Variants in ZSWIM6 observed in about 807,000 individuals in gnomAD.
ZSWIM6 encodes zinc finger SWIM domain-containing protein 6.
Under a neutral mutation model 113.2 loss-of-function variants are expected in ZSWIM6, and 9 were observed. The ratio of observed to expected loss-of-function variants is 0.08; its 90% CI spans 0.05 to 0.14. The LOEUF (loss-of-function observed/expected upper bound fraction) is 0.14. Among genes scored for constraint, ZSWIM6 ranks in the 10% least tolerant of loss-of-function variants. ZSWIM6 has a pLI of 1.00. For missense variants in ZSWIM6, 1,162 were observed against 1,552.2 expected, an observed-to-expected ratio of 0.75 and a Z score of 4.22; for synonymous variants, 611 against 606.5, an observed-to-expected ratio of 1.01 and a Z score of -0.11.
chr5:61,463,483 G>C (rs996027879), intron 1 of ZSWIM6, among the ~76,000 whole-genome samples: 5 of 152,174 alleles, frequency 3.3e-5, no homozygotes, highest in South Asian at 2.1e-4. Context: ...CATCACCTGG[G>C]TTAAACCAGA....
At chr5:61,480,463 C>T (rs1157722716) in intron 2 of ZSWIM6, among the ~76,000 whole-genome samples, 1 of 152,122 alleles carries the variant, frequency 6.6e-6, no homozygotes, top group East Asian at 1.9e-4. Flanking sequence ...CATTAGCCTC[C>T]ACGGTGAGGA....
At chr5:61,449,749 C>T (rs549608341) in intron 1 of ZSWIM6, among the ~76,000 whole-genome samples, 20 of 152,216 alleles carry the variant, frequency 1.3e-4, no homozygotes, top group African/African-American at 4.8e-4. Flanking sequence ...GATGGGGCAC[C>T]CATTCCATCA....
intron 1 of ZSWIM6, among the ~76,000 whole-genome samples, chr5:61,424,468 G>T (rs1373537027): frequency 6.6e-6 from 1 of 152,182 alleles, no homozygotes; most frequent in Non-Finnish European, 1.5e-5. Flanking sequence ...CTCGCCTAGG[G>T]AGAGCAGACG....
At chr5:61,434,682 A>T (rs976538877) in intron 1 of ZSWIM6, among the ~76,000 whole-genome samples, 4 of 151,904 alleles carry the variant, frequency 2.6e-5, no homozygotes. Context: ...TTCTTCATCC[A>T]CTTGTTGGTT....
intron 1 of ZSWIM6, among the ~76,000 whole-genome samples, chr5:61,369,921 C>T (rs867206054): frequency 1.6e-4 from 25 of 152,298 alleles, no homozygotes; most frequent in Admixed American, 3.3e-4. Flanking sequence ...CACTGGACAT[C>T]TGAGATGTCA....
At chr5:61,340,489 T>C (rs1172895018) in intron 1 of ZSWIM6, among the ~76,000 whole-genome samples, 2 of 152,218 alleles carry the variant, frequency 1.3e-5, no homozygotes, top group African/African-American at 2.4e-5. Flanking sequence ...TCTTAAAATA[T>C]GCTGAAAGAG....
At chr5:61,533,373 CCA>C (rs1205006022) in intron 9 of ZSWIM6, among the ~76,000 whole-genome samples, 1 of 152,116 alleles carries the variant, frequency 6.6e-6, no homozygotes, top group African/African-American at 2.4e-5. Flanking sequence ...GTTAGCAGGC[CCA>C]GATATCTGGA....
chr5:61,442,318 T>C (rs922915966), intron 1 of ZSWIM6, among the ~76,000 whole-genome samples: 19 of 152,292 alleles, frequency 1.2e-4, no homozygotes, highest in African/African-American at 3.8e-4. Flanking sequence ...GTGGGACAGT[T>C]GGGCCAGTTT....
intron 1 of ZSWIM6, among the ~76,000 whole-genome samples, chr5:61,439,504 C>T (rs545045331): frequency 6.6e-6 from 1 of 152,252 alleles, no homozygotes; most frequent in Non-Finnish European, 1.5e-5. Flanking sequence ...AACATGTCAA[C>T]AGTTAAACAG....
At chr5:61,391,435 A>AGCT (rs1745709053) in intron 1 of ZSWIM6, 1 of 1,162,848 alleles carries the variant, frequency 8.6e-7, no homozygotes, top group Admixed American at 1.7e-5. Flanking sequence ...GTCCTTCTCC[A>AGCT]GCTGCTTCTT....
chr5:61,531,565 C>T lies in ZSWIM6; in HGVS notation c.2085C>T (p.Ala695=). The part of the protein sequence containing the change: ...ESYLTLAVEV[A]LIGLGQQRIM... ...ATTTAACGCTGGCTGTGGAAGTAGC[C>T]CTGATAGGGCTAGGACAGCAGCGTA... The change falls in exon 9 of 14, where the codon GCC becomes GCT. Residue 695 remains alanine, a synonymous_variant. Coordinates refer to ENST00000252744, the MANE Select transcript of ZSWIM6 (RefSeq NM_020928.2). 6.4e-7 allele frequency: 1 copy of T among 1,551,610 alleles called. No homozygotes were observed.
intron 1 of ZSWIM6, among the ~76,000 whole-genome samples, chr5:61,433,595 C>G (rs759142335): frequency 9.2e-5 from 14 of 151,788 alleles, no homozygotes; most frequent in Non-Finnish European, 1.3e-4. Flanking sequence ...GCCTCAGCCT[C>G]CCAGGTAGCT....
chr5:61,494,128 A>ACG (rs1748257660), intron 3 of ZSWIM6, 132 bp from the exon 4 acceptor site: 14 of 947,006 alleles, frequency 1.5e-5, no homozygotes, highest in Non-Finnish European at 2.2e-5. Context: ...TCCACCACAC[A>ACG]CACACACACA....
chr5:61,501,268 T>A (rs1261356779), intron 4 of ZSWIM6, among the ~76,000 whole-genome samples: 1 of 152,174 alleles, frequency 6.6e-6, no homozygotes, highest in African/African-American at 2.4e-5. Context: ...TATTTTCTGC[T>A]TCTTTAAGTA....
intron 1 of ZSWIM6, among the ~76,000 whole-genome samples, chr5:61,447,524 T>C (rs773383095): frequency 6.6e-6 from 1 of 152,050 alleles, no homozygotes; most frequent in Non-Finnish European, 1.5e-5. Context: ...CATCTGAACA[T>C]AGATGTCAGA....
intron 5 of ZSWIM6, 42 bp downstream of exon 5, chr5:61,521,484 A>T (rs1749119383): frequency 7.3e-6 from 10 of 1,368,070 alleles, no homozygotes; most frequent in Non-Finnish European, 9.6e-6. Flanking sequence ...TAGCTACTTA[A>T]TTATGCATAT....
rs1580063997 is a variant in ZSWIM6, at chr5:61,526,947, C to T, written c.1837+551C>T. On this transcript the variant is annotated intron_variant, in intron 7 of 13. Transcript: ENST00000252744. The stretch of plus-strand genomic sequence containing the variant: ...AAGCTTGGCACAATGTGTAAGCATT[C>T]TAAAACTTTTTAGCTGTAATAATTT... Among the ~76,000 whole-genome samples the T allele has an allele frequency of 3.3e-5, 5 of 152,190 alleles. No individual in the cohort carries two copies. In the South Asian group the frequency reaches 1.0e-3, roughly 32 times the overall value.
rs955876336 is a variant in ZSWIM6, at chr5:61,373,212, G to T, written c.676+40264G>T. On this transcript the variant is annotated intron_variant, in intron 1 of 13. Transcript: ENST00000252744. ...TCCTCCCACCTTGGCCTTCCAAAGT[G>T]CTTGGGATTACAGGCATGAGCCACT... 1.6e-3 allele frequency among the ~76,000 whole-genome samples: 236 copies of T among 152,026 alleles called. 4 individuals are homozygous for T. Among genetic ancestry groups the T allele is most frequent in the Admixed American group, 0.015 (235 of 15,274 alleles).
chr5:61,441,924 C>G (rs1399681704), intron 1 of ZSWIM6, among the ~76,000 whole-genome samples: 1 of 152,128 alleles, frequency 6.6e-6, no homozygotes, highest in African/African-American at 2.4e-5. Context: ...GGGAAGAAGA[C>G]TTTATTTGGG....
Sources: allele counts gnomAD v4.1 joint callset (sites outside exome capture counted in the v4.1 genomes callset), GRCh38; gene constraint gnomAD v4.1.1; transcripts MANE v1.5; gene names NCBI Gene and HGNC (gene_info 2026-07-23, HGNC 2026-07-21).